EXT1: variants seen among roughly 807,000 people sequenced by gnomAD.
EXT1 encodes the protein exostosin-1.
Under a neutral mutation model 82.5 loss-of-function variants are expected in EXT1, and 20 were observed. The ratio of observed to expected loss-of-function variants is 0.24; its 90% confidence interval spans 0.17 to 0.35. The LOEUF is 0.35. Ranked by LOEUF, EXT1 falls within the 10% of genes least tolerant of loss-of-function variation. The pLI is 1.00. For missense variants in EXT1, 757 were observed against 936.5 expected (o/e 0.81, Z 2.50); for synonymous variants, 348 against 350.8 (o/e 0.99, Z 0.09).
chr8:117,853,759 G>A (rs972476199), intron 1 of EXT1, among the ~76,000 whole-genome samples: 8 of 152,132 alleles, frequency 5.3e-5, no homozygotes, highest in African/African-American at 1.9e-4. Flanking sequence ...CTGTAGAAAT[G>A]GGGCTGAGTC....
chr8:117,924,492 T>G (rs2129639851), intron 1 of EXT1, among the ~76,000 whole-genome samples: 1 of 152,342 alleles, frequency 6.6e-6, no homozygotes, highest in East Asian at 1.9e-4. Flanking sequence ...TTCCAAACCT[T>G]CTGAGTACAA....
chr8:118,092,597 C>T (rs1338030323), intron 1 of EXT1, among the ~76,000 whole-genome samples: 1 of 152,202 alleles, frequency 6.6e-6, no homozygotes, highest in Non-Finnish European at 1.5e-5. Flanking sequence ...GGAGGACGAT[C>T]CAAGCCTGAA....
At chr8:117,877,514 G>A (rs763398116) in intron 1 of EXT1, among the ~76,000 whole-genome samples, 28 of 152,302 alleles carry the variant, frequency 1.8e-4, no homozygotes, top group Non-Finnish European at 3.4e-4. Flanking sequence ...TGTTCTTGAA[G>A]TGGAAAACTG....
chr8:118,046,337 C>T (rs1212804754), intron 1 of EXT1, among the ~76,000 whole-genome samples: 1 of 152,166 alleles, frequency 6.6e-6, no homozygotes, highest in Non-Finnish European at 1.5e-5. Flanking sequence ...TGGAAAGCTT[C>T]AGGCAACGCA....
At chr8:117,979,081 A>G (rs1212365852) in intron 1 of EXT1, among the ~76,000 whole-genome samples, 1 of 152,132 alleles carries the variant, frequency 6.6e-6, no homozygotes, top group African/African-American at 2.4e-5. Flanking sequence ...TCGGCCAGGC[A>G]CGGTGGCTCA....
rs1404724776 is a variant in EXT1 at position 117,818,603 on chromosome 8, C to T, written c.1537-73G>A. 3.4e-6 allele frequency: 4 copies of T among 1,161,740 alleles called. No individual in the cohort carries two copies. In the East Asian group the frequency reaches 9.4e-5, roughly 27 times the overall value. 72.0% of individuals were successfully genotyped at this position (1,161,740 alleles called of 1,614,324 possible). On this transcript the variant is annotated intron_variant, in intron 6 of 10. Coordinates refer to ENST00000378204, the MANE Select transcript of EXT1 (RefSeq NM_000127.3). Reference sequence around the variant, plus strand: ...GTATGCCTCCAACCCAAAGCCTCTTCTCAGAGACAGAAAGAGAAAGAGGAG... The same window carrying T: ...GTATGCCTCCAACCCAAAGCCTCTTTTCAGAGACAGAAAGAGAAAGAGGAG...
intron 1 of EXT1, among the ~76,000 whole-genome samples, chr8:118,063,568 T>C (rs1244231943): frequency 6.6e-6 from 1 of 152,238 alleles, no homozygotes; most frequent in Non-Finnish European, 1.5e-5. Context: ...GCAGATGCTG[T>C]GCTCTTGTTA....
intron 1 of EXT1, among the ~76,000 whole-genome samples, chr8:117,980,666 T>C (rs1051955324): frequency 1.3e-5 from 2 of 151,404 alleles, no homozygotes; most frequent in Non-Finnish European, 2.9e-5. Flanking sequence ...TGGTCTTTTA[T>C]GAGGGAAGGT....
chr8:117,834,287 A>G (rs1030648658), intron 3 of EXT1, among the ~76,000 whole-genome samples: 33 of 152,162 alleles, frequency 2.2e-4, no homozygotes, highest in African/African-American at 7.2e-4. Context: ...CAGACTGGGC[A>G]GCAGCACAGA....
At chr8:118,052,460 A>T (rs1020916) in intron 1 of EXT1, among the ~76,000 whole-genome samples, 3 of 152,076 alleles carry the variant, frequency 2.0e-5, no homozygotes, top group East Asian at 1.9e-4. Flanking sequence ...CAGTCCTAAC[A>T]GCAGTACATT....
intron 1 of EXT1, among the ~76,000 whole-genome samples, chr8:117,854,008 G>A (rs1414704702): frequency 2.0e-5 from 3 of 152,264 alleles, no homozygotes; most frequent in Admixed American, 1.3e-4. Context: ...CAGGAAGAAC[G>A]CCCAGGAGCG....
chr8:117,816,557 G>T (rs17439652), intron 7 of EXT1, among the ~76,000 whole-genome samples: 2 of 152,148 alleles, frequency 1.3e-5, no homozygotes, highest in African/African-American at 4.8e-5. Context: ...CAAGGTGGAG[G>T]CAAGGACTGA....
At chr8:117,986,558 A>T (rs543199249) in intron 1 of EXT1, among the ~76,000 whole-genome samples, 1 of 152,326 alleles carries the variant, frequency 6.6e-6, no homozygotes, top group Admixed American at 6.5e-5. Flanking sequence ...AAGCCCATTA[A>T]TCCAGACTAT....
At chr8:117,829,504 G>A (rs1812060626) in intron 4 of EXT1, among the ~76,000 whole-genome samples, 1 of 149,470 alleles carries the variant, frequency 6.7e-6, no homozygotes, top group African/African-American at 2.4e-5. Flanking sequence ...GTGGTGCCCA[G>A]AAAACTACTC....
At chr8:117,918,726 C>T (rs934871522) in intron 1 of EXT1, among the ~76,000 whole-genome samples, 2 of 152,142 alleles carry the variant, frequency 1.3e-5, no homozygotes, top group African/African-American at 2.4e-5. Flanking sequence ...AGCTACCAGC[C>T]GAATGCAGCC....
intron 1 of EXT1, among the ~76,000 whole-genome samples, chr8:118,013,072 T>C (rs776837637): frequency 6.6e-6 from 1 of 152,136 alleles, no homozygotes; most frequent in South Asian, 2.1e-4. Context: ...TCTCTCTCTG[T>C]TGCCCAGGCT....
At chr8:117,901,523 T>C (rs1452099171) in intron 1 of EXT1, among the ~76,000 whole-genome samples, 1 of 152,214 alleles carries the variant, frequency 6.6e-6, no homozygotes, top group Non-Finnish European at 1.5e-5. Context: ...ATAAACACTG[T>C]ACACTCAGGC....
At chr8:117,824,225 C>A (rs886721010) in intron 4 of EXT1, among the ~76,000 whole-genome samples, 1 of 152,074 alleles carries the variant, frequency 6.6e-6, no homozygotes, top group African/African-American at 2.4e-5. Flanking sequence ...AACCTACAGA[C>A]AAATATCATG....
At chr8:117,849,380 C>T (rs1053649829) in intron 1 of EXT1, among the ~76,000 whole-genome samples, 1 of 152,208 alleles carries the variant, frequency 6.6e-6, no homozygotes, top group Non-Finnish European at 1.5e-5. Context: ...CTGTACTATG[C>T]CTGGCCCACA....
Sources: gnomAD v4.1 joint callset for allele counts (sites outside exome capture counted in the v4.1 genomes callset) on GRCh38, gnomAD v4.1.1 for gene constraint, MANE v1.5 for transcripts, NCBI Gene and HGNC (gene_info 2026-07-23, HGNC 2026-07-21) for gene names.